Variants in JMJD1C observed in about 807,000 individuals in gnomAD.
The protein encoded by JMJD1C is jumonji domain containing 1C.
A neutral mutation model predicts 245.3 loss-of-function variants in JMJD1C; 31 were observed. That is an observed-to-expected ratio of 0.13 (90% CI 0.09 to 0.17). JMJD1C has a LOEUF of 0.17. JMJD1C is among the 10% of genes least tolerant of loss of function. JMJD1C has a pLI of 1.00. For missense variants in JMJD1C, 2,691 were observed against 3,000.2 expected, an observed-to-expected ratio of 0.90 and a Z score of 2.41; for synonymous variants, 1,057 against 1,017.4, an observed-to-expected ratio of 1.04 and a Z score of -0.74.
chr10:63,324,324 A>G (rs1941274211), intron 2 of JMJD1C, among the ~76,000 whole-genome samples: 1 of 152,036 alleles, frequency 6.6e-6, no homozygotes, highest in Non-Finnish European at 1.5e-5. Context: ...CTGTCACAAA[A>G]GTAAGTAAAC....
intron 2 of JMJD1C, among the ~76,000 whole-genome samples, chr10:63,354,857 CAAAAAA>C (rs148651978): frequency 2.1e-5 from 2 of 94,928 alleles, no homozygotes; most frequent in East Asian, 2.6e-4. Context: ...TCTACTTTAA[CAAAAAA>C]AAAAAAAAAA....
intron 1 of JMJD1C, among the ~76,000 whole-genome samples, chr10:63,393,149 T>A (rs1362941378): frequency 6.6e-6 from 1 of 151,970 alleles, no homozygotes; most frequent in Non-Finnish European, 1.5e-5. Flanking sequence ...ACAACTGTAG[T>A]CCCAGCTAAT....
chr10:63,206,249 T>C (rs1263577363), intron 10 of JMJD1C, among the ~76,000 whole-genome samples: 3 of 152,196 alleles, frequency 2.0e-5, no homozygotes, highest in African/African-American at 7.2e-5. Flanking sequence ...CCACTTTTGG[T>C]GTGACAGCCA....
intron 2 of JMJD1C, among the ~76,000 whole-genome samples, chr10:63,331,631 T>G (rs1219124883): frequency 6.6e-6 from 1 of 152,170 alleles, no homozygotes; most frequent in Non-Finnish European, 1.5e-5. Flanking sequence ...AACATATATA[T>G]TGAGCCAGTC....
At chr10:63,395,283 CCTGA>C (rs1393213536) in intron 1 of JMJD1C, among the ~76,000 whole-genome samples, 6 of 152,072 alleles carry the variant, frequency 3.9e-5, no homozygotes, top group African/African-American at 1.4e-4. Flanking sequence ...TTGAGACCAT[CCTGA>C]CTAACATGGT....
At chr10:63,244,567 A>G (rs1317101365) in intron 3 of JMJD1C, among the ~76,000 whole-genome samples, 1 of 152,172 alleles carries the variant, frequency 6.6e-6, no homozygotes, top group East Asian at 1.9e-4. Flanking sequence ...AAGCAAGAAA[A>G]CAGTGATTGA....
chr10:63,360,609 A>G (rs1008254515), intron 2 of JMJD1C, among the ~76,000 whole-genome samples: 1 of 152,204 alleles, frequency 6.6e-6, no homozygotes, highest in East Asian at 1.9e-4. Flanking sequence ...ATTTTTGTTC[A>G]TACCAAAATG....
chr10:63,393,222 C>T (rs930489025), intron 1 of JMJD1C, among the ~76,000 whole-genome samples: 4 of 152,192 alleles, frequency 2.6e-5, no homozygotes, highest in East Asian at 1.9e-4. Context: ...GACCTGTGAT[C>T]GCACCACTGT....
intron 1 of JMJD1C, among the ~76,000 whole-genome samples, chr10:63,413,215 G>A (rs1949590660): frequency 6.6e-6 from 1 of 152,094 alleles, no homozygotes; most frequent in Non-Finnish European, 1.5e-5. Context: ...TCTTAAAGAG[G>A]TAACAGGAAA....
At chr10:63,416,191 A>C (rs148959365) in intron 1 of JMJD1C, among the ~76,000 whole-genome samples, 6 of 152,326 alleles carry the variant, frequency 3.9e-5, no homozygotes, top group African/African-American at 1.4e-4. Context: ...AGAGAAACTT[A>C]TAACAGTGTT....
At chr10:63,292,144 ATTTTTT>A (rs573065816) in intron 2 of JMJD1C, among the ~76,000 whole-genome samples, 4 of 56,326 alleles carry the variant, frequency 7.1e-5, no homozygotes, top group African/African-American at 3.0e-4. Context: ...GTAGAGACAG[ATTTTTT>A]TTTTTTTTTT....
chr10:63,389,455 CCT>C (rs1947883290), intron 1 of JMJD1C, among the ~76,000 whole-genome samples: 2 of 140,224 alleles, frequency 1.4e-5, no homozygotes. Context: ...TTTTTTTTTT[CCT>C]TTTTTTTTTT....
At chr10:63,234,493 TAAAAAA>T (rs71025129) in intron 3 of JMJD1C, among the ~76,000 whole-genome samples, 16 of 37,038 alleles carry the variant, frequency 4.3e-4, no homozygotes, top group East Asian at 2.8e-3. Context: ...AACCTCCTCT[TAAAAAA>T]AAAAAAAAAA....
Position 63,384,625 on chromosome 10 carries a change from T to C in JMJD1C, c.169-4143A>G, listed in dbSNP as rs1947452738. 2.6e-5 allele frequency among the ~76,000 whole-genome samples: 4 copies of C among 152,274 alleles called. 1 individual carries two copies. In the South Asian group the frequency reaches 8.3e-4, roughly 32 times the overall value. On this transcript the variant is annotated intron_variant, in intron 1 of 25. Coordinates refer to ENST00000399262, the MANE Select transcript of JMJD1C (RefSeq NM_032776.3). ...GAAAAACCTACTATAAACAGATGTGTTGTCATCCAGGCTTTGTTGTTCCAT... is the reference window on the plus strand; with the variant it reads ...GAAAAACCTACTATAAACAGATGTGCTGTCATCCAGGCTTTGTTGTTCCAT...
At chr10:63,197,817 G>T (rs1037996591) in intron 12 of JMJD1C, among the ~76,000 whole-genome samples, 1 of 152,188 alleles carries the variant, frequency 6.6e-6, no homozygotes, top group African/African-American at 2.4e-5. Context: ...TGACATTTTA[G>T]GTTGAATAAT....
chr10:63,217,196 G>C lies in JMJD1C; in HGVS notation c.678+11C>G. On this transcript the variant is annotated intron_variant, in intron 5 of 25. Transcript: ENST00000399262. ...TAAAATCTCTATAAAAATATTAGTGGAACTATTTACCTGATCATTCATAAC... is the reference window on the plus strand; with the variant it reads ...TAAAATCTCTATAAAAATATTAGTGCAACTATTTACCTGATCATTCATAAC... 6.3e-7 allele frequency: 1 copy of C among 1,596,680 alleles called. No individual in the cohort carries two copies. The highest frequency in any genetic ancestry group is 8.5e-7 in the Non-Finnish European group (1 of 1,173,814).
intron 3 of JMJD1C, 123 bp downstream of exon 3, chr10:63,264,527 TG>T: frequency 1.8e-6 from 1 of 556,860 alleles, no homozygotes; most frequent in Non-Finnish European, 3.1e-6. Context: ...CTGCATTCAT[TG>T]GGTTTTTCAC....
At position 63,350,565 on chromosome 10, in the gene JMJD1C, G is replaced by A. The variant is rs7074686; in HGVS notation, c.333+29753C>T. On this transcript the variant is annotated intron_variant, in intron 2 of 25. Coordinates refer to ENST00000399262, the MANE Select transcript of JMJD1C (RefSeq NM_032776.3). ...AGAGATATGAAAATAGAATTACAGAGGGAGTTAAGCAGTCACCCATAATTA... is the reference window on the plus strand; with the variant it reads ...AGAGATATGAAAATAGAATTACAGAAGGAGTTAAGCAGTCACCCATAATTA... Among the ~76,000 whole-genome samples the A allele has an allele frequency of 9.2e-3, 1,394 of 151,752 alleles. 18 individuals are homozygous for A. Among genetic ancestry groups the A allele is most frequent in the African/African-American group, 0.031 (1,275 of 41,364 alleles).
At chr10:63,284,898 CA>C (rs1564734213) in intron 2 of JMJD1C, among the ~76,000 whole-genome samples, 1 of 126,450 alleles carries the variant, frequency 7.9e-6, no homozygotes, top group Non-Finnish European at 1.8e-5. Context: ...CACACACACA[CA>C]CACACACATT....
Sources: allele counts gnomAD v4.1 joint callset (sites outside exome capture counted in the v4.1 genomes callset), GRCh38; gene constraint gnomAD v4.1.1; transcripts MANE v1.5; gene names NCBI Gene and HGNC (gene_info 2026-07-23, HGNC 2026-07-21).